Variants in PEBP4 observed in about 807,000 individuals in gnomAD.
The protein encoded by PEBP4 is phosphatidylethanolamine binding protein 4.
A neutral mutation model predicts 23.9 loss-of-function variants in PEBP4; 22 were observed. The ratio of observed to expected loss-of-function variants is 0.92; its 90% CI spans 0.66 to 1.31. PEBP4 has a LOEUF of 1.31. Ranked by LOEUF, PEBP4 falls within the 40% of genes most tolerant of loss-of-function variation. PEBP4 has a pLI of 0.00. For synonymous variants in PEBP4, 112 were observed against 99.3 expected, an observed-to-expected ratio of 1.13 and a Z score of -0.76; for missense variants, 324 against 281.7, an observed-to-expected ratio of 1.15 and a Z score of -1.07.
At chr8:22,799,789 T>C (rs144909332) in intron 4 of PEBP4, among the ~76,000 whole-genome samples, 1 of 151,998 alleles carries the variant, frequency 6.6e-6, no homozygotes, top group African/African-American at 2.4e-5. Flanking sequence ...CACCTATGAG[T>C]GAGAACACGC....
Position 22,920,226 on chromosome 8 carries a change from G to A in PEBP4, c.216C>T (p.Thr72=). The A allele has an allele frequency of 6.2e-7, 1 of 1,613,666 alleles. No individual in the cohort carries two copies. Residue 72 remains threonine, a synonymous_variant, in exon 3 of 7, where the codon ACC becomes ACT. Transcript: ENST00000256404. ...PDCNNYRQKI[T]SWMEPIVKFP... Reference sequence around the variant, plus strand: ...ACTTGACTATCGGCTCCATCCAGGAGGTGATCTTCTGTCTGTAGTTGTTAC... The same window carrying A: ...ACTTGACTATCGGCTCCATCCAGGAAGTGATCTTCTGTCTGTAGTTGTTAC...
chr8:22,777,241 C>T (rs1341198287), intron 4 of PEBP4, among the ~76,000 whole-genome samples: 1 of 152,168 alleles, frequency 6.6e-6, no homozygotes, highest in Non-Finnish European at 1.5e-5. Flanking sequence ...CCCTCCTCTA[C>T]TCCTCCACTC....
rs537851123 is a variant in PEBP4 at position 22,819,676 on chromosome 8, G to A, written c.259-1941C>T. Among the ~76,000 whole-genome samples, 22 of 151,762 alleles carry A rather than the reference G, an allele frequency of 1.4e-4. No homozygotes were observed. In the South Asian group the frequency reaches 3.8e-3, roughly 26 times the overall value. ...CCCAGGAGTGCAGTGGTGTGATCTC[G>A]GCTCATTGCAAGCTCTGCCTCCGGG... On this transcript the variant is annotated intron_variant, in intron 3 of 6. Coordinates refer to ENST00000256404, the MANE Select transcript of PEBP4 (RefSeq NM_144962.3).
chr8:22,716,487 C>T (rs1356719465), intron 6 of PEBP4, among the ~76,000 whole-genome samples: 1 of 152,224 alleles, frequency 6.6e-6, no homozygotes, highest in African/African-American at 2.4e-5. Context: ...CCCCTGTCTT[C>T]AGCAGCTGGG....
chr8:22,747,250 G>T (rs1354800935), intron 4 of PEBP4, among the ~76,000 whole-genome samples: 2 of 152,268 alleles, frequency 1.3e-5, no homozygotes, highest in Admixed American at 1.3e-4. Context: ...AGAGCTGTGG[G>T]TGATAATAAG....
chr8:22,767,986 C>T (rs1158691588), intron 4 of PEBP4, among the ~76,000 whole-genome samples: 3 of 152,160 alleles, frequency 2.0e-5, no homozygotes, highest in Admixed American at 6.5e-5. Context: ...CCGCCCACCC[C>T]GGCCTCCCAA....
intron 3 of PEBP4, among the ~76,000 whole-genome samples, chr8:22,916,582 A>C (rs1165312786): frequency 6.6e-6 from 1 of 152,172 alleles, no homozygotes; most frequent in Non-Finnish European, 1.5e-5. Flanking sequence ...ACAGATGCTG[A>C]AAGGGCCGAC....
At chr8:22,892,392 C>A (rs1240760123) in intron 3 of PEBP4, among the ~76,000 whole-genome samples, 1 of 152,158 alleles carries the variant, frequency 6.6e-6, no homozygotes, top group Non-Finnish European at 1.5e-5. Context: ...TTTCATCTTG[C>A]AAAACAAAAA....
intron 3 of PEBP4, among the ~76,000 whole-genome samples, chr8:22,909,005 G>A (rs1417280627): frequency 6.6e-6 from 1 of 152,232 alleles, no homozygotes; most frequent in South Asian, 2.1e-4. Flanking sequence ...AGATAGGGCA[G>A]GGGTTGCAGA....
At chr8:22,717,841 G>A (rs772510915) in intron 6 of PEBP4, among the ~76,000 whole-genome samples, 4 of 152,086 alleles carry the variant, frequency 2.6e-5, no homozygotes, top group South Asian at 2.1e-4. Context: ...CCTAATAACC[G>A]CCCCACAGAG....
chr8:22,940,991 A>T (rs1232532919), intron 1 of PEBP4, among the ~76,000 whole-genome samples: 1 of 152,100 alleles, frequency 6.6e-6, no homozygotes, highest in Non-Finnish European at 1.5e-5. Flanking sequence ...GAGGGGAGAA[A>T]GTTCCCTCCA....
At chr8:22,722,765 G>A (rs1473192138) in intron 6 of PEBP4, among the ~76,000 whole-genome samples, 2 of 131,158 alleles carry the variant, frequency 1.5e-5, no homozygotes, top group African/African-American at 3.2e-5. Flanking sequence ...TCATCTGGGA[G>A]GGCCATTTTT....
At chr8:22,903,382 T>C (rs1469192618) in intron 3 of PEBP4, among the ~76,000 whole-genome samples, 1 of 152,184 alleles carries the variant, frequency 6.6e-6, no homozygotes, top group Non-Finnish European at 1.5e-5. Flanking sequence ...TAGAACAGTG[T>C]CTGGCACATG....
intron 4 of PEBP4, among the ~76,000 whole-genome samples, chr8:22,765,344 A>G (rs1805589488): frequency 6.6e-6 from 1 of 152,096 alleles, no homozygotes; most frequent in South Asian, 2.1e-4. Flanking sequence ...GGGTTTCACC[A>G]TATTGGCCAG....
intron 3 of PEBP4, among the ~76,000 whole-genome samples, chr8:22,860,194 A>ATATATATATATACATATATATG (rs1807745023): frequency 1.0e-5 from 1 of 97,600 alleles, no homozygotes; most frequent in Non-Finnish European, 1.8e-5. Context: ...ATATATATGT[A>ATATATATATATACATATATATG]TATATATATA....
At chr8:22,833,440 T>C (rs1807130364) in intron 3 of PEBP4, among the ~76,000 whole-genome samples, 1 of 152,206 alleles carries the variant, frequency 6.6e-6, no homozygotes, top group South Asian at 2.1e-4. Flanking sequence ...CAAGCGAGTC[T>C]TCTGCCTCGG....
chr8:22,891,103 C>CA (rs1808483221), intron 3 of PEBP4, among the ~76,000 whole-genome samples: 1 of 152,238 alleles, frequency 6.6e-6, no homozygotes, highest in Non-Finnish European at 1.5e-5. Context: ...GCTGGGATTA[C>CA]AGGCGTGAGC....
In PEBP4 at chr8:22,795,161, ATATTTTTTTTTTTTTTT is replaced by A. The variant is rs1348019907; in HGVS notation, c.357+22459_357+22475del. Among the ~76,000 whole-genome samples, 13 of 25,828 alleles carry A rather than the reference ATATTTTTTTTTTTTTTT, an allele frequency of 5.0e-4. 2 individuals carry two copies. The Admixed American group carries it at 6.4e-3, about 13-fold the overall frequency. The allele number at this position is 25,828 out of a possible 152,430, so 16.9% of individuals were successfully genotyped here. A position where few individuals can be genotyped will look rare whatever the true frequency, so the allele number is the denominator to read the frequency against. On this transcript the variant is annotated intron_variant, in intron 4 of 6. Coordinates refer to ENST00000256404, the MANE Select transcript of PEBP4 (RefSeq NM_144962.3). ...TGTGTGTGTATATATATATATATATATATTTTTTTTTTTTTTTTTTTTTTTTTTTTTTGAGATGGAGT... is the reference window on the plus strand; with the variant it reads ...TGTGTGTGTATATATATATATATATATTTTTTTTTTTTTTTGAGATGGAGT...
At chr8:22,869,161 C>A (rs1428665950) in intron 3 of PEBP4, among the ~76,000 whole-genome samples, 1 of 152,188 alleles carries the variant, frequency 6.6e-6, no homozygotes, top group Non-Finnish European at 1.5e-5. Context: ...TCTTCATCCT[C>A]TTTGCTTAAA....
Sources: allele counts gnomAD v4.1 joint callset (sites outside exome capture counted in the v4.1 genomes callset), GRCh38; gene constraint gnomAD v4.1.1; transcripts MANE v1.5; gene names NCBI Gene and HGNC (gene_info 2026-07-23, HGNC 2026-07-21).